Variants in NSMCE1 observed in about 807,000 individuals in gnomAD.
The protein encoded by NSMCE1 is NSE1 component of SMC5/6 complex.
In NSMCE1, 18 loss-of-function variants were observed where a neutral mutation model predicts 29.6. The ratio of observed to expected loss-of-function variants is 0.61; its 90% CI spans 0.42 to 0.90. The LOEUF is 0.90. NSMCE1 is among the 40% of genes least tolerant of loss of function. The pLI is 0.00. For missense variants in NSMCE1, 314 were observed against 343.6 expected (o/e 0.91, Z 0.68); for synonymous variants, 124 against 133.4 (o/e 0.93, Z 0.49).
In NSMCE1 at chr16:27,263,006, A is replaced by T. The variant is rs559784403; in HGVS notation, c.-11-5425T>A. Among the ~76,000 whole-genome samples the T allele has an allele frequency of 5.3e-5, 8 of 152,374 alleles. No homozygotes were observed. In the South Asian group the frequency reaches 1.7e-3, roughly 32 times the overall value. ...CAAAACCACAATGAGATACCATCTC[A>T]CATCAGTCAGAATGGCTATTATCAA... On this transcript the variant is annotated intron_variant, in intron 1 of 7. Transcript: ENST00000361439.
At chr16:27,228,262 TG>T (rs1282673534) in intron 5 of NSMCE1, among the ~76,000 whole-genome samples, 1 of 152,122 alleles carries the variant, frequency 6.6e-6, no homozygotes, top group Non-Finnish European at 1.5e-5. Flanking sequence ...GGTTGGGGCA[TG>T]GACAGCCGCT....
intron 1 of NSMCE1, among the ~76,000 whole-genome samples, chr16:27,260,032 G>A (rs1328273673): frequency 6.6e-6 from 1 of 152,148 alleles, no homozygotes; most frequent in Non-Finnish European, 1.5e-5. Context: ...TATAGTTCAG[G>A]AAGAAAGAAA....
chr16:27,247,603 C>T (rs1021265371), intron 2 of NSMCE1, among the ~76,000 whole-genome samples: 8 of 152,142 alleles, frequency 5.3e-5, no homozygotes, highest in African/African-American at 1.9e-4. Flanking sequence ...TCATTACAGT[C>T]AGGTACGCAT....
intron 5 of NSMCE1, among the ~76,000 whole-genome samples, chr16:27,228,401 C>A: frequency 6.6e-6 from 1 of 152,054 alleles, no homozygotes; most frequent in Non-Finnish European, 1.5e-5. Context: ...AGCCCCCAGG[C>A]TGTCCTCGGT....
chr16:27,239,334 T>G (rs2083864193), intron 2 of NSMCE1, among the ~76,000 whole-genome samples: 1 of 152,166 alleles, frequency 6.6e-6, no homozygotes, highest in Non-Finnish European at 1.5e-5. Flanking sequence ...TCTCCCCTGA[T>G]CCAGGAGCCC....
Position 27,225,081 on chromosome 16 carries a change from C to CA in NSMCE1, c.*75_*76insT. 1 of 812,392 alleles carries CA rather than the reference C, an allele frequency of 1.2e-6. No individual in the cohort carries two copies. Among genetic ancestry groups the CA allele is most frequent in the South Asian group, 1.5e-5 (1 of 68,272 alleles). 50.3% of individuals were successfully genotyped at this position (812,392 alleles called of 1,614,324 possible). On this transcript the variant is annotated 3_prime_UTR_variant, in exon 8 of 8. Transcript: ENST00000361439. ...GGTGACTCGCGTGGAACCTGAAACA[C>CA]GGACGCCTTTCTTCCAAGAAGGGCT... is the stretch of plus-strand genomic sequence containing the variant.
intron 2 of NSMCE1, among the ~76,000 whole-genome samples, chr16:27,236,586 C>A (rs1017865476): frequency 4.6e-5 from 7 of 152,152 alleles, no homozygotes; most frequent in African/African-American, 1.4e-4. Flanking sequence ...CGTGAGCCAC[C>A]ACGCCCAGCT....
intron 4 of NSMCE1, chr16:27,233,982 T>C (rs2140990598): frequency 1.8e-6 from 1 of 548,828 alleles, no homozygotes; most frequent in Non-Finnish European, 3.2e-6. Context: ...CACTTCCTTC[T>C]CAGGCAGCCA....
Position 27,228,868 on chromosome 16 carries a change from C to T in NSMCE1, c.484-2032G>A, listed in dbSNP as rs144879925. ...GATGCATCATGGTACCCCACATCCC[C>T]GGCCACCGCCCTCTTCCACCCTCCC... is the stretch of plus-strand genomic sequence containing the variant. On this transcript the variant is annotated intron_variant, in intron 5 of 7. Transcript: ENST00000361439. 5.7e-3 allele frequency among the ~76,000 whole-genome samples: 846 copies of T among 148,012 alleles called. 8 individuals are homozygous for T. Among genetic ancestry groups the T allele is most frequent in the African/African-American group, 0.02 (804 of 39,944 alleles).
At chr16:27,240,961 C>A (rs2083887260) in intron 2 of NSMCE1, among the ~76,000 whole-genome samples, 2 of 152,144 alleles carry the variant, frequency 1.3e-5, no homozygotes, top group Non-Finnish European at 2.9e-5. Context: ...ATAGTCTCAG[C>A]TACTTGGGAG....
At chr16:27,258,716 C>T (rs1291608787) in intron 1 of NSMCE1, among the ~76,000 whole-genome samples, 1 of 152,102 alleles carries the variant, frequency 6.6e-6, no homozygotes, top group Non-Finnish European at 1.5e-5. Flanking sequence ...CATAAGAGAT[C>T]CACAAGACTG....
Position 27,268,720 on chromosome 16 carries a change from G to C in NSMCE1, c.-26C>G, listed in dbSNP as rs941263866. The stretch of plus-strand genomic sequence containing the variant: ...ACGTTACCCACCAGGGAGCCCAAGC[G>C]CATCCCAGGCCGCGCTAGCGGATAC... On this transcript the variant is annotated 5_prime_UTR_variant, in exon 1 of 8. Coordinates refer to ENST00000361439, the MANE Select transcript of NSMCE1 (RefSeq NM_145080.4). The C allele has an allele frequency of 6.5e-6, 1 of 152,790 alleles. No homozygotes were observed. The highest frequency in any genetic ancestry group is 1.5e-5 in the Non-Finnish European group (1 of 68,106). 9.5% of individuals were successfully genotyped at this position (152,790 alleles called of 1,614,324 possible).
At chr16:27,260,234 A>C (rs896972049) in intron 1 of NSMCE1, among the ~76,000 whole-genome samples, 1 of 152,336 alleles carries the variant, frequency 6.6e-6, no homozygotes, top group South Asian at 2.1e-4. Flanking sequence ...CACAAAAATA[A>C]TAACATAAAT....
At chr16:27,228,134 C>A (rs1225534317) in intron 5 of NSMCE1, among the ~76,000 whole-genome samples, 1 of 152,140 alleles carries the variant, frequency 6.6e-6, no homozygotes, top group Non-Finnish European at 1.5e-5. Flanking sequence ...CCACCTTCAT[C>A]CCCACAGTGC....
At chr16:27,235,598 A>C (rs1220153507) in intron 2 of NSMCE1, among the ~76,000 whole-genome samples, 1 of 152,088 alleles carries the variant, frequency 6.6e-6, no homozygotes, top group Non-Finnish European at 1.5e-5. Context: ...TCCTGATGAG[A>C]GTCCCAATCA....
At chr16:27,241,044 A>G (rs1464651803) in intron 2 of NSMCE1, among the ~76,000 whole-genome samples, 1 of 152,226 alleles carries the variant, frequency 6.6e-6, no homozygotes, top group Non-Finnish European at 1.5e-5. Flanking sequence ...ACTGCATTCT[A>G]GCCTGGGTGA....
chr16:27,256,468 C>T (rs1271758964), intron 2 of NSMCE1, among the ~76,000 whole-genome samples: 1 of 152,156 alleles, frequency 6.6e-6, no homozygotes, highest in African/African-American at 2.4e-5. Context: ...ACTTTTATAC[C>T]TTTACATGCA....
At position 27,225,821 on chromosome 16, in the gene NSMCE1, A is replaced by T. The variant is rs1240003617; in HGVS notation, c.626T>A (p.Ile209Asn). 1 of 1,614,120 alleles carries T rather than the reference A, an allele frequency of 6.2e-7. No homozygotes were observed. ...IQGQSCETCG[I>N]RMHLPCVAKY... ...GGCCACGCAGGGTAAGTGCATCCTGATCCCACAGGTTTCGCAGCTTTGACC... is the reference window on the plus strand; with the variant it reads ...GGCCACGCAGGGTAAGTGCATCCTGTTCCCACAGGTTTCGCAGCTTTGACC... Residue 209 changes from isoleucine (I) to asparagine (N), a missense_variant, in exon 7 of 8, where the codon ATC (isoleucine) becomes AAC (asparagine). Ile to Asn is a moderately radical substitution (Grantham distance 149). Transcript: ENST00000361439.
At chr16:27,244,773 A>C (rs2083935770) in intron 2 of NSMCE1, among the ~76,000 whole-genome samples, 1 of 152,164 alleles carries the variant, frequency 6.6e-6, no homozygotes. Context: ...TCTGCCTCCG[A>C]GTTACGGTCT....
Sources: allele counts gnomAD v4.1 joint callset (sites outside exome capture counted in the v4.1 genomes callset), GRCh38; gene constraint gnomAD v4.1.1; transcripts MANE v1.5; gene names NCBI Gene and HGNC (gene_info 2026-07-23, HGNC 2026-07-21).